Variants in WWOX observed in about 807,000 individuals in gnomAD.
WWOX encodes WW domain-containing oxidoreductase.
A neutral mutation model predicts 46.2 loss-of-function variants in WWOX; 69 were observed. The observed-to-expected ratio is 1.49, with a 90% CI of 1.23 to 1.82. WWOX has a LOEUF of 1.82. Among genes scored for constraint, WWOX ranks in the 40% most tolerant of loss-of-function variants. The pLI is 0.00. For missense variants in WWOX, 919 were observed against 542.6 expected (o/e 1.69, Z -6.89); for synonymous variants, 359 against 202.6 (o/e 1.77, Z -6.56).
At chr16:78,271,396 A>G (rs78507369) in intron 5 of WWOX, among the ~76,000 whole-genome samples, 3,773 of 152,202 alleles carry the variant, frequency 0.025, 66 homozygotes, top group Middle Eastern at 0.085. Flanking sequence ...GAGGTTTCAC[A>G]TTGTTACATC....
intron 8 of WWOX, among the ~76,000 whole-genome samples, chr16:79,168,615 G>GCTCTCT (rs2050640531): frequency 6.6e-6 from 1 of 152,034 alleles, no homozygotes; most frequent in Non-Finnish European, 1.5e-5. Context: ...AGGCAAGAGA[G>GCTCTCT]TGATAATTAT....
At chr16:78,667,088 C>G (rs1567475901) in intron 8 of WWOX, among the ~76,000 whole-genome samples, 4 of 152,266 alleles carry the variant, frequency 2.6e-5, no homozygotes, top group Non-Finnish European at 4.4e-5. Flanking sequence ...TCTTTGTGTA[C>G]TTGCTTTTTA....
chr16:78,831,350 C>G (rs1229209499), intron 8 of WWOX, among the ~76,000 whole-genome samples: 3 of 152,182 alleles, frequency 2.0e-5, no homozygotes, highest in Non-Finnish European at 4.4e-5. Context: ...AAGATGTATC[C>G]TAAAAGCTCC....
intron 1 of WWOX, among the ~76,000 whole-genome samples, chr16:78,103,136 T>G (rs545394483): frequency 8.5e-5 from 13 of 152,140 alleles, no homozygotes; most frequent in African/African-American, 2.9e-4. Context: ...TCTTCCTGAG[T>G]GGCCCCTGGC....
chr16:78,447,059 G>C (rs1442908962), intron 8 of WWOX, among the ~76,000 whole-genome samples: 1 of 152,160 alleles, frequency 6.6e-6, no homozygotes, highest in Admixed American at 6.6e-5. Flanking sequence ...TCTGTACTCT[G>C]TCCTGTCCAG....
chr16:78,905,078 T>C (rs1320489802), intron 8 of WWOX, among the ~76,000 whole-genome samples: 1 of 152,132 alleles, frequency 6.6e-6, no homozygotes, highest in African/African-American at 2.4e-5. Context: ...CTGAGACTTG[T>C]ATTCTTGGGG....
intron 8 of WWOX, among the ~76,000 whole-genome samples, chr16:78,835,874 G>A (rs1349582933): frequency 6.6e-6 from 1 of 152,068 alleles, no homozygotes; most frequent in Non-Finnish European, 1.5e-5. Flanking sequence ...TTATTTTTTT[G>A]TTTCTGACTT....
At chr16:79,076,424 T>C (rs2048657509) in intron 8 of WWOX, among the ~76,000 whole-genome samples, 1 of 152,238 alleles carries the variant, frequency 6.6e-6, no homozygotes, top group Non-Finnish European at 1.5e-5. Flanking sequence ...GAAGCTATTG[T>C]GAATCTATGG....
intron 8 of WWOX, among the ~76,000 whole-genome samples, chr16:79,134,368 G>C (rs1291383654): frequency 1.3e-5 from 2 of 152,104 alleles, no homozygotes; most frequent in Non-Finnish European, 2.9e-5. Flanking sequence ...ACACTGTAAG[G>C]TTGCAACAGG....
chr16:78,478,583 C>T (rs529301449), intron 8 of WWOX, among the ~76,000 whole-genome samples: 9 of 151,546 alleles, frequency 5.9e-5, no homozygotes, highest in Non-Finnish European at 1.0e-4. Flanking sequence ...TTGCACCCCC[C>T]ACCCCAAGGA....
At chr16:78,264,963 C>A (rs1438034422) in intron 5 of WWOX, 1 of 126,248 alleles carries the variant, frequency 7.9e-6, no homozygotes, top group Non-Finnish European at 1.7e-5. Flanking sequence ...CCCCTTCCCT[C>A]CCCTCCCCTC....
At chr16:78,847,595 A>C (rs1472071475) in intron 8 of WWOX, among the ~76,000 whole-genome samples, 2 of 151,882 alleles carry the variant, frequency 1.3e-5, no homozygotes, top group African/African-American at 4.8e-5. Flanking sequence ...CAGCTTCCCT[A>C]AGTGTTGGGA....
At chr16:78,899,363 G>C (rs1180378637) in intron 8 of WWOX, 1 of 152,066 alleles carries the variant, frequency 6.6e-6, no homozygotes, top group Non-Finnish European at 1.5e-5. Context: ...GATTTGTTCC[G>C]GAAACCTAAC....
intron 8 of WWOX, among the ~76,000 whole-genome samples, chr16:78,720,390 C>G (rs977514032): frequency 2.0e-5 from 3 of 146,840 alleles, no homozygotes; most frequent in East Asian, 1.9e-4. Flanking sequence ...TGCCAATGGT[C>G]AGATCTGTTA....
chr16:78,277,817 G>T (rs2079607585), intron 5 of WWOX, among the ~76,000 whole-genome samples: 3 of 152,168 alleles, frequency 2.0e-5, no homozygotes, highest in Non-Finnish European at 2.9e-5. Flanking sequence ...GATACATTTT[G>T]AAATCTGGAA....
intron 5 of WWOX, among the ~76,000 whole-genome samples, chr16:78,215,330 TC>T (rs1177608055): frequency 6.6e-6 from 1 of 152,186 alleles, no homozygotes; most frequent in African/African-American, 2.4e-5. Context: ...ATCTCCATAA[TC>T]CCTACGTGCC....
At chr16:79,080,326 C>T (rs940731304) in intron 8 of WWOX, among the ~76,000 whole-genome samples, 18 of 151,690 alleles carry the variant, frequency 1.2e-4, no homozygotes, top group African/African-American at 3.6e-4. Context: ...ATTCTCTTGC[C>T]ACGAATCAGC....
intron 8 of WWOX, among the ~76,000 whole-genome samples, chr16:79,018,881 T>G (rs544344024): frequency 6.6e-6 from 1 of 152,158 alleles, no homozygotes; most frequent in South Asian, 2.1e-4. Context: ...CTGGGCGTGG[T>G]GGCTCACCCA....
chr16:79,210,590 TTAGTGGATGCAGC>T (rs1415767325), intron 8 of WWOX, among the ~76,000 whole-genome samples: 4 of 152,186 alleles, frequency 2.6e-5, no homozygotes, highest in African/African-American at 9.7e-5. Flanking sequence ...CAGCTGAAAA[TTAGTGGATGCAGC>T]TAGGGCTCTG....
Sources: gnomAD v4.1 joint callset for allele counts (sites outside exome capture counted in the v4.1 genomes callset) on GRCh38, gnomAD v4.1.1 for gene constraint, MANE v1.5 for transcripts, NCBI Gene and HGNC (gene_info 2026-07-23, HGNC 2026-07-21) for gene names.